Variants in VDR observed in about 807,000 individuals in gnomAD.
VDR encodes the protein vitamin D receptor, also known as vitamin D3 receptor.
Under a neutral mutation model 39.7 loss-of-function variants are expected in VDR, and 19 were observed. That is an observed-to-expected ratio of 0.48 (90% CI 0.33 to 0.70). The LOEUF is 0.70. Among genes scored for constraint, VDR ranks in the 30% least tolerant of loss-of-function variants. The pLI is 0.02. For missense variants in VDR, 442 were observed against 570.5 expected (o/e 0.77, Z 2.29); for synonymous variants, 242 against 215.8 (o/e 1.12, Z -1.07).
chr12:47,865,531 C>A (rs1026780477), intron 3 of VDR, among the ~76,000 whole-genome samples: 3 of 152,104 alleles, frequency 2.0e-5, no homozygotes, highest in Non-Finnish European at 4.4e-5. Flanking sequence ...CCTGCTTCAG[C>A]CTCCAGTATA....
chr12:47,859,917 C>CCTT (rs1565615370), intron 4 of VDR, among the ~76,000 whole-genome samples: 1 of 46,638 alleles, frequency 2.1e-5, no homozygotes, highest in Admixed American at 2.1e-4. Flanking sequence ...TTCCTTCCTT[C>CCTT]TTTCTTTTTC....
At chr12:47,862,809 C>T (rs1945652126) in intron 4 of VDR, among the ~76,000 whole-genome samples, 2 of 152,224 alleles carry the variant, frequency 1.3e-5, no homozygotes, top group South Asian at 4.1e-4. Context: ...ACTGGTGAGG[C>T]CTCCTGAAGC....
At chr12:47,883,378 G>A (rs986629507) in intron 1 of VDR, among the ~76,000 whole-genome samples, 2 of 152,182 alleles carry the variant, frequency 1.3e-5, no homozygotes, top group African/African-American at 4.8e-5. Flanking sequence ...GGCGGAGCAG[G>A]TGTTGCAGGG....
chr12:47,892,321 C>T (rs2137236015), intron 1 of VDR, among the ~76,000 whole-genome samples: 1 of 152,348 alleles, frequency 6.6e-6, no homozygotes, highest in South Asian at 2.1e-4. Flanking sequence ...CATGCAGCTT[C>T]TCAGGACCTG....
At chr12:47,875,072 T>G (rs1294533679) in intron 3 of VDR, among the ~76,000 whole-genome samples, 2 of 152,160 alleles carry the variant, frequency 1.3e-5, no homozygotes, top group Non-Finnish European at 2.9e-5. Flanking sequence ...CAACATGAAA[T>G]AGCTTGCAGG....
intron 1 of VDR, among the ~76,000 whole-genome samples, chr12:47,890,572 G>C (rs1055549352): frequency 5.9e-5 from 9 of 152,002 alleles, no homozygotes; most frequent in Non-Finnish European, 1.2e-4. Flanking sequence ...ACTGGCTCCT[G>C]GGGGCAGACA....
chr12:47,875,538 T>C (rs1243442242), intron 3 of VDR, among the ~76,000 whole-genome samples: 1 of 152,140 alleles, frequency 6.6e-6, no homozygotes, highest in East Asian at 1.9e-4. Context: ...CAAGCAACTA[T>C]TTGGACCAGA....
chr12:47,903,905 TC>T (rs1454784272), intron 1 of VDR, among the ~76,000 whole-genome samples: 1 of 152,162 alleles, frequency 6.6e-6, no homozygotes, highest in Non-Finnish European at 1.5e-5. Flanking sequence ...GTGTTGGGTA[TC>T]TGAGCCCCTG....
At chr12:47,859,671 A>G (rs1592109964) in intron 4 of VDR, among the ~76,000 whole-genome samples, 1 of 152,228 alleles carries the variant, frequency 6.6e-6, no homozygotes, top group East Asian at 1.9e-4. Flanking sequence ...TTTCCCACAC[A>G]CATTGACACC....
chr12:47,873,429 C>T (rs1345072884), intron 3 of VDR, among the ~76,000 whole-genome samples: 5 of 134,044 alleles, frequency 3.7e-5, no homozygotes, highest in Admixed American at 8.1e-5. Flanking sequence ...GGCGCAATCT[C>T]GGCTCACTGC....
chr12:47,845,399 G>A (rs1022776126), intron 9 of VDR, among the ~76,000 whole-genome samples: 5 of 151,854 alleles, frequency 3.3e-5, no homozygotes, highest in Admixed American at 2.6e-4. Context: ...AGCTTAAAAG[G>A]TCTTCCTCCA....
At chr12:47,895,205 G>A (rs1041140798) in intron 1 of VDR, among the ~76,000 whole-genome samples, 2 of 152,220 alleles carry the variant, frequency 1.3e-5, no homozygotes, top group African/African-American at 4.8e-5. Flanking sequence ...GGGGAAGGCT[G>A]TGAAAAAACA....
chr12:47,860,570 T>A (rs117913411), intron 4 of VDR, among the ~76,000 whole-genome samples: 4,871 of 152,304 alleles, frequency 0.032, 105 homozygotes, highest in Admixed American at 0.063. Context: ...ACTTTTAACG[T>A]CATATAACCT....
intron 1 of VDR, among the ~76,000 whole-genome samples, chr12:47,893,167 T>C (rs1946401223): frequency 1.3e-5 from 2 of 152,230 alleles, no homozygotes; most frequent in Admixed American, 6.5e-5. Context: ...AATTTTTAAT[T>C]ATTGCCACGA....
chr12:47,857,825 G>A, intron 4 of VDR, 137 bp from the exon 5 acceptor site: 5 of 889,478 alleles, frequency 5.6e-6, no homozygotes, highest in Admixed American at 5.1e-5. Flanking sequence ...TCCTGCCACG[G>A]AGACTCCCAC....
At chr12:47,868,449 G>A (rs1480552091) in intron 3 of VDR, among the ~76,000 whole-genome samples, 3 of 152,196 alleles carry the variant, frequency 2.0e-5, no homozygotes, top group Admixed American at 6.5e-5. Context: ...GAAGTTATAC[G>A]CCAGGCTTTT....
At chr12:47,900,395 C>G (rs1946537599) in intron 1 of VDR, among the ~76,000 whole-genome samples, 2 of 152,210 alleles carry the variant, frequency 1.3e-5, no homozygotes, top group Admixed American at 6.5e-5. Context: ...GTGGCCATCC[C>G]ATGAATGCAG....
chr12:47,876,505 A>C (rs938051007), intron 3 of VDR, among the ~76,000 whole-genome samples: 1 of 152,164 alleles, frequency 6.6e-6, no homozygotes, highest in Non-Finnish European at 1.5e-5. Context: ...AACAAGACAA[A>C]ACCAGCCTGC....
chr12:47,873,739 A>G (rs990534141), intron 3 of VDR, among the ~76,000 whole-genome samples: 7 of 152,152 alleles, frequency 4.6e-5, no homozygotes, highest in African/African-American at 1.7e-4. Context: ...ACTGATCTTC[A>G]TATATACTAT....
Sources: allele counts gnomAD v4.1 joint callset (sites outside exome capture counted in the v4.1 genomes callset), GRCh38; gene constraint gnomAD v4.1.1; transcripts MANE v1.5; gene names NCBI Gene and HGNC (gene_info 2026-07-23, HGNC 2026-07-21).